The following PAM variants were observed in gnomAD, a reference collection of about 807,000 sequenced individuals.
The protein encoded by PAM is peptidylglycine alpha-amidating monooxygenase.
A neutral mutation model predicts 122.1 loss-of-function variants in PAM; 72 were observed. The observed-to-expected ratio is 0.59, with a 90% CI of 0.49 to 0.72. PAM has a LOEUF of 0.72. PAM is among the 30% of genes least tolerant of loss of function. The pLI is 0.00. For missense variants in PAM, 1,106 were observed against 1,183.7 expected (o/e 0.93, Z 0.96); for synonymous variants, 389 against 404.4 (o/e 0.96, Z 0.46).
chr5:102,847,249 G>A (rs188335298), intron 1 of PAM, among the ~76,000 whole-genome samples: 15 of 152,206 alleles, frequency 9.9e-5, no homozygotes, highest in Admixed American at 9.8e-4. Context: ...GACCAGCCTG[G>A]CCAACATGGT....
At chr5:102,968,262 G>A (rs1764715718) in intron 14 of PAM, among the ~76,000 whole-genome samples, 1 of 152,146 alleles carries the variant, frequency 6.6e-6, no homozygotes, top group South Asian at 2.1e-4. Context: ...AGGAAAAAGT[G>A]TAATGGCCAG....
At chr5:102,985,738 T>C (rs1419154056) in intron 15 of PAM, among the ~76,000 whole-genome samples, 1 of 152,200 alleles carries the variant, frequency 6.6e-6, no homozygotes. Context: ...TCTTAATTTA[T>C]TCTATGAAAC....
intron 7 of PAM, among the ~76,000 whole-genome samples, chr5:102,942,501 G>T (rs1755596000): frequency 6.6e-6 from 1 of 151,924 alleles, no homozygotes; most frequent in Non-Finnish European, 1.5e-5. Flanking sequence ...AAGTAGAGAA[G>T]GTGGCCTTTA....
At chr5:102,779,884 TAC>T (rs1401944436) in intron 1 of PAM, among the ~76,000 whole-genome samples, 13 of 77,256 alleles carry the variant, frequency 1.7e-4, no homozygotes, top group African/African-American at 5.2e-4. Flanking sequence ...AACTCCCATA[TAC>T]ATATATATAT....
In PAM at chr5:102,974,342, A is replaced by G. The variant is rs946815929; in HGVS notation, c.1389A>G (p.Arg463=). 2.5e-6 allele frequency: 4 copies of G among 1,613,798 alleles called. No homozygotes were observed. The African/African-American group carries it at 4.0e-5, about 16-fold the overall frequency. ...LVRDRIHKFH[R]LVSTLRPPES... ...GAGACAGAATTCACAAATTCCACAG[A>G]CTAGTATCTACCTTGAGGCCACCAG... is the stretch of plus-strand genomic sequence containing the variant. Residue 463 remains arginine (R), a synonymous_variant, in exon 15 of 26, where the codon AGA becomes AGG. Transcript: ENST00000438793.
At chr5:102,837,365 G>A (rs1777384195) in intron 1 of PAM, among the ~76,000 whole-genome samples, 1 of 152,072 alleles carries the variant, frequency 6.6e-6, no homozygotes, top group African/African-American at 2.4e-5. Flanking sequence ...TAAAAGCCAG[G>A]TAGGAATAAA....
chr5:102,952,461 TA>T (rs1582099747), intron 12 of PAM, among the ~76,000 whole-genome samples: 1 of 151,978 alleles, frequency 6.6e-6, no homozygotes, highest in East Asian at 1.9e-4. Context: ...TCATGTGGGC[TA>T]AAGGAAACAC....
chr5:102,790,568 A>G (rs995639482), intron 1 of PAM, among the ~76,000 whole-genome samples: 3 of 152,080 alleles, frequency 2.0e-5, no homozygotes, highest in Non-Finnish European at 4.4e-5. Flanking sequence ...TAGGTTAGAT[A>G]GAGCTTCTTC....
chr5:102,913,999 C>G lies in PAM; in HGVS notation c.334C>G (p.Pro112Ala). 1 of 1,588,380 alleles carries G rather than the reference C, an allele frequency of 6.3e-7. No homozygotes were observed. The highest frequency in any genetic ancestry group is 1.1e-5 in the South Asian group (1 of 90,580). The change falls in exon 5 of 26, where the codon CCT becomes GCT. Residue 112 changes from proline to alanine, a missense_variant. By Grantham distance (27) the Pro-to-Ala change is conservative (BLOSUM62 -1). Transcript: ENST00000438793. Reference sequence around the variant, plus strand: ...CATGTTACTTTTTGGATGCAATATGCCTTCATCCACTGGAAGTTACTGGTA... The same window carrying G: ...CATGTTACTTTTTGGATGCAATATGGCTTCATCCACTGGAAGTTACTGGTA... Reference protein sequence around the residue: ...HHMLLFGCNMPSSTGSYWFCD... With the variant: ...HHMLLFGCNMASSTGSYWFCD...
rs139339554 is a variant in PAM at position 102,765,549 on chromosome 5, G to A, written c.-374+10201G>A. 7.7e-4 allele frequency among the ~76,000 whole-genome samples: 118 copies of A among 152,332 alleles called. 2 individuals carry two copies. In the East Asian group the frequency reaches 0.021, roughly 27 times the overall value. Reference sequence around the variant, plus strand: ...TTAAGCTTCCAGCCACACCATGCAAGCTTGGGCCGACTTCATCTACAACCT... The same window carrying A: ...TTAAGCTTCCAGCCACACCATGCAAACTTGGGCCGACTTCATCTACAACCT... On this transcript the variant is annotated intron_variant, in intron 1 of 25. Transcript: ENST00000438793.
At chr5:102,845,071 T>C (rs1169024691) in intron 1 of PAM, among the ~76,000 whole-genome samples, 1 of 152,258 alleles carries the variant, frequency 6.6e-6, no homozygotes, top group African/African-American at 2.4e-5. Context: ...TCGTTCAGTC[T>C]TGAGTAGGCC....
chr5:102,805,400 C>T (rs1386289416), intron 1 of PAM, among the ~76,000 whole-genome samples: 4 of 152,048 alleles, frequency 2.6e-5, no homozygotes, highest in Non-Finnish European at 4.4e-5. Context: ...TGTTTTCTTT[C>T]AGTTTGAGAA....
At chr5:102,814,596 G>C (rs1204098382) in intron 1 of PAM, among the ~76,000 whole-genome samples, 3 of 145,602 alleles carry the variant, frequency 2.1e-5, no homozygotes, top group Non-Finnish European at 4.6e-5. Context: ...CATATATATT[G>C]ATATATACAT....
chr5:102,829,121 A>G (rs1774600968), intron 1 of PAM, among the ~76,000 whole-genome samples: 1 of 152,112 alleles, frequency 6.6e-6, no homozygotes, highest in Non-Finnish European at 1.5e-5. Flanking sequence ...TAATATAAAG[A>G]TGCAGCCCTC....
chr5:102,836,868 GA>G, intron 1 of PAM, among the ~76,000 whole-genome samples: 1 of 150,426 alleles, frequency 6.6e-6, no homozygotes, highest in South Asian at 2.1e-4. Flanking sequence ...CCGAGAGAGA[GA>G]GAGAGAGAGA....
chr5:102,882,122 T>C (rs1431760823), intron 3 of PAM, among the ~76,000 whole-genome samples: 1 of 123,984 alleles, frequency 8.1e-6, no homozygotes, highest in African/African-American at 3.0e-5. Flanking sequence ...CACCACATTT[T>C]CTTTATCCAC....
chr5:102,919,823 C>T (rs1049143007), intron 5 of PAM, among the ~76,000 whole-genome samples: 14 of 152,024 alleles, frequency 9.2e-5, no homozygotes, highest in Admixed American at 3.9e-4. Context: ...TGAGTATGTT[C>T]CTTGGCTAAT....
chr5:103,024,190 T>A (rs1784357928), intron 23 of PAM, among the ~76,000 whole-genome samples: 1 of 152,168 alleles, frequency 6.6e-6, no homozygotes, highest in South Asian at 2.1e-4. Context: ...CTTACTAGTC[T>A]TTGTACACTA....
intron 3 of PAM, 23 bp downstream of exon 3, chr5:102,867,416 T>C (rs749679855): frequency 6.3e-7 from 1 of 1,582,082 alleles, no homozygotes; most frequent in Non-Finnish European, 8.7e-7. Flanking sequence ...TTGTCTTTCA[T>C]TATTCACTTG....
Sources: allele counts gnomAD v4.1 joint callset (sites outside exome capture counted in the v4.1 genomes callset), GRCh38; gene constraint gnomAD v4.1.1; transcripts MANE v1.5; gene names NCBI Gene and HGNC (gene_info 2026-07-23, HGNC 2026-07-21).